Variants in UNC80 observed in about 807,000 individuals in gnomAD.
UNC80 encodes the protein protein unc-80 homolog.
A neutral mutation model predicts 384.6 loss-of-function variants in UNC80; 164 were observed. The observed-to-expected ratio is 0.43, with a 90% CI of 0.38 to 0.49. The LOEUF (loss-of-function observed/expected upper bound fraction) is 0.49, where lower values mean the gene tolerates loss of function less well. Among genes scored for constraint, UNC80 ranks in the 20% least tolerant of loss-of-function variants. The pLI is 0.00. For synonymous variants in UNC80, 1,486 were observed against 1,527.8 expected, an observed-to-expected ratio of 0.97 and a Z score of 0.64; for missense variants, 3,330 against 4,143.0, an observed-to-expected ratio of 0.80 and a Z score of 5.39.
At chr2:209,785,591 G>A (rs551859771) in intron 4 of UNC80, among the ~76,000 whole-genome samples, 5 of 152,136 alleles carry the variant, frequency 3.3e-5, no homozygotes, top group African/African-American at 1.2e-4. Context: ...CAAATTATAT[G>A]TGCCTGATTC....
rs2091611218 is a variant in UNC80, at chr2:209,941,232, C to A, written c.6658C>A (p.Leu2220Met). The change falls in exon 44 of 65, where the codon CTG (leucine) becomes ATG (methionine). Residue 2220 changes from leucine to methionine, a missense_variant. Physicochemically the swap from Leu to Met is conservative, Grantham distance 15 (BLOSUM62 2). Around this residue, in one of 8 missense-constraint regions of UNC80, gnomAD observed 1,049 missense variants for 1,488.6 expected, o/e 0.70. Transcript: ENST00000673920. ...LFSDPQAGKE[L>M]FGLDTLQKSL... Reference sequence around the variant, plus strand: ...TCATGTTCTCACAGCTGGAAAGGAACTGTTTGGCCTCGACACTCTTCAGAA... The same window carrying A: ...TCATGTTCTCACAGCTGGAAAGGAAATGTTTGGCCTCGACACTCTTCAGAA... 6.6e-7 allele frequency: 1 copy of A among 1,511,156 alleles called. No homozygotes were observed. The highest frequency in any genetic ancestry group is 1.4e-5 in the African/African-American group (1 of 72,476). 93.6% of individuals were successfully genotyped at this position (1,511,156 alleles called of 1,614,324 possible).
Position 209,944,352 on chromosome 2 carries a change from A to G in UNC80, c.7051-699A>G, listed in dbSNP as rs115898836. Reference sequence around the variant, plus strand: ...AGATTTTACCACCATATCACATGTTATATCTATTTGTTTCATTAACATGAA... The same window carrying G: ...AGATTTTACCACCATATCACATGTTGTATCTATTTGTTTCATTAACATGAA... On this transcript the variant is annotated intron_variant, in intron 45 of 64. Transcript: ENST00000673920. Among the ~76,000 whole-genome samples, 1,253 of 152,234 alleles carry G rather than the reference A, an allele frequency of 8.2e-3. 12 individuals are homozygous for G. The highest frequency in any genetic ancestry group is 0.013 in the Non-Finnish European group (917 of 68,018).
intron 7 of UNC80, among the ~76,000 whole-genome samples, chr2:209,797,509 C>T (rs2078239512): frequency 1.3e-5 from 2 of 152,166 alleles, no homozygotes; most frequent in African/African-American, 4.8e-5. Context: ...GATCTCTTTC[C>T]TTTCTGTGGT....
rs1575216878 is a variant in UNC80 at position 209,982,042 on chromosome 2, G to A, written c.9119-137G>A. 4 of 770,014 alleles carry A rather than the reference G, an allele frequency of 5.2e-6. No homozygotes were observed. In the East Asian group the frequency reaches 1.2e-4, roughly 23 times the overall value. 47.7% of individuals were successfully genotyped at this position (770,014 alleles called of 1,614,324 possible). The stretch of plus-strand genomic sequence containing the variant: ...TCTAAGTTTTTTTATCTGTATGAAG[G>A]GACCAATGATAATTTAGATTTACAC... On this transcript the variant is annotated intron_variant, in intron 59 of 64. Transcript: ENST00000673920.
intron 11 of UNC80, among the ~76,000 whole-genome samples, chr2:209,818,380 G>T (rs907148912): frequency 6.6e-6 from 1 of 151,296 alleles, no homozygotes; most frequent in Non-Finnish European, 1.5e-5. Context: ...ATAAGTTCTT[G>T]TGTGTTTTGT....
intron 25 of UNC80, among the ~76,000 whole-genome samples, chr2:209,883,557 A>C (rs1280081237): frequency 6.6e-6 from 1 of 151,124 alleles, no homozygotes; most frequent in Non-Finnish European, 1.5e-5. Flanking sequence ...CAGCCTCCCA[A>C]GTAGCTGGGA....
intron 18 of UNC80, among the ~76,000 whole-genome samples, chr2:209,837,184 T>C (rs2081385518): frequency 7.3e-6 from 1 of 137,214 alleles, no homozygotes. Context: ...TAAATATCTG[T>C]AGAAAATAAT....
chr2:209,873,049 T>C, intron 23 of UNC80, 79 bp downstream of exon 23: 1 of 1,329,152 alleles, frequency 7.5e-7, no homozygotes, highest in Non-Finnish European at 1.1e-6. Context: ...TGTGTTTGTT[T>C]TGAAGACAAT....
At chr2:209,828,057 ACAAACATT>A in intron 14 of UNC80, among the ~76,000 whole-genome samples, 1 of 152,214 alleles carries the variant, frequency 6.6e-6, no homozygotes, top group Middle Eastern at 3.2e-3. Context: ...TACAGATGAT[ACAAACATT>A]TTAATATCCT....
At chr2:209,783,285 A>T (rs1264636243) in intron 4 of UNC80, among the ~76,000 whole-genome samples, 2 of 152,040 alleles carry the variant, frequency 1.3e-5, no homozygotes, top group East Asian at 3.9e-4. Context: ...CTCTCCAGTT[A>T]TTGAGTTTCT....
intron 8 of UNC80, among the ~76,000 whole-genome samples, chr2:209,814,379 G>A (rs919725299): frequency 1.3e-5 from 2 of 152,150 alleles, no homozygotes; most frequent in Middle Eastern, 3.4e-3. Context: ...GGGACTGCAG[G>A]ACTACAGGCG....
At chr2:209,935,613 G>A (rs1324159959) in intron 39 of UNC80, 101 bp from the exon 40 acceptor site, 2 of 497,378 alleles carry the variant, frequency 4.0e-6, no homozygotes, top group African/African-American at 4.1e-5. Context: ...GTAATTAACA[G>A]TAAAAACATC....
At chr2:209,973,476 C>A (rs1211005866) in intron 56 of UNC80, among the ~76,000 whole-genome samples, 1 of 152,270 alleles carries the variant, frequency 6.6e-6, no homozygotes, top group South Asian at 2.1e-4. Flanking sequence ...GCCACTTGAA[C>A]AAGAAACATT....
intron 7 of UNC80, among the ~76,000 whole-genome samples, chr2:209,798,532 G>GTAC (rs1200255983): frequency 1.3e-5 from 2 of 152,048 alleles, no homozygotes; most frequent in African/African-American, 4.8e-5. Flanking sequence ...GTCTGTTTTG[G>GTAC]TACCAATACC....
chr2:209,809,370 G>C lies in UNC80; in HGVS notation c.939-4210G>C, dbSNP rs556994317. 25 of 964,138 alleles carry C rather than the reference G, an allele frequency of 2.6e-5. No homozygotes were observed. In the African/African-American group the frequency reaches 3.2e-4, roughly 12 times the overall value. The allele number at this position is 964,138 out of a possible 1,614,324, so 59.7% of individuals were successfully genotyped here. ...AGGCCTTCTCCAGACCCTGGCTGCT[G>C]CGGGGCCATGTCCGGACCCACACTG... On this transcript the variant is annotated intron_variant, in intron 7 of 64. Transcript: ENST00000673920.
chr2:209,945,032 A>G lies in UNC80; in HGVS notation c.7051-19A>G, dbSNP rs1286600770. On this transcript the variant is annotated intron_variant, in intron 45 of 64. Coordinates refer to ENST00000673920, the MANE Select transcript of UNC80 (RefSeq NM_001371986.1). ...ACTGTGGTGGGAGTCAATAAACAAA[A>G]ATTGTTTTTCTTTATCAGGATGCTG... The G allele has an allele frequency of 1.9e-6, 3 of 1,547,986 alleles. No individual in the cohort carries two copies.
intron 23 of UNC80, 39 bp downstream of exon 23, chr2:209,873,009 TAAGTG>T (rs2084435174): frequency 2.0e-6 from 3 of 1,525,636 alleles, no homozygotes; most frequent in Non-Finnish European, 2.7e-6. Context: ...TTAGGTTGCT[TAAGTG>T]AAGTGGAGTC....
intron 7 of UNC80, among the ~76,000 whole-genome samples, chr2:209,805,751 T>C (rs2078855885): frequency 6.6e-6 from 1 of 152,252 alleles, no homozygotes; most frequent in Non-Finnish European, 1.5e-5. Context: ...TTTTATAACC[T>C]AATCTTTTAT....
intron 28 of UNC80, among the ~76,000 whole-genome samples, chr2:209,904,324 T>C (rs2087911728): frequency 6.6e-6 from 1 of 152,188 alleles, no homozygotes; most frequent in African/African-American, 2.4e-5. Flanking sequence ...CCCACATGGG[T>C]GGGCTGGCAT....
Sources: allele counts gnomAD v4.1 joint callset (sites outside exome capture counted in the v4.1 genomes callset), GRCh38; gene constraint gnomAD v4.1.1; regional missense constraint gnomAD v4.1.1; transcripts MANE v1.5; gene names NCBI Gene and HGNC (gene_info 2026-07-23, HGNC 2026-07-21).